SIDT1: variants seen among roughly 807,000 people sequenced by gnomAD.
SIDT1 encodes SID1 transmembrane family member 1, also known as SID1 transmembrane family, member 1.
In SIDT1, 101 loss-of-function variants were observed where a neutral mutation model predicts 107.5. The observed-to-expected ratio is 0.94, with a 90% confidence interval of 0.80 to 1.11. SIDT1 has a LOEUF of 1.11. Among genes scored for constraint, SIDT1 ranks in the 50% least tolerant of loss-of-function variants. The probability of loss-of-function intolerance (pLI) is 0.00; values close to 1 mark genes in which losing one functional copy is unlikely to be tolerated. For synonymous variants in SIDT1, 395 were observed against 398.2 expected, an observed-to-expected ratio of 0.99 and a Z score of 0.10; for missense variants, 1,076 against 1,058.2, an observed-to-expected ratio of 1.02 and a Z score of -0.23.
intron 20 of SIDT1, 47 bp downstream of exon 20, chr3:113,616,223 G>A (rs747990036): frequency 7.1e-7 from 1 of 1,417,092 alleles, no homozygotes; most frequent in Non-Finnish European, 1.0e-6. Flanking sequence ...AGAAAGCAGG[G>A]GAATAGTAGG....
Position 113,566,491 on chromosome 3 carries a change from C to G in SIDT1, c.294C>G (p.Arg98=). The change falls in exon 2 of 25, where the codon CGC becomes CGG. Residue 98 remains arginine, a synonymous_variant. Transcript: ENST00000264852. ...ACTACCCGGTCCTTGTTGTGGTTCG[C>G]CAGCAGAAAGAGGTGCTGTCCTGGC... ...NLNYPVLVVV[R]QQKEVLSWQV... 1 of 1,614,134 alleles carries G rather than the reference C, an allele frequency of 6.2e-7. No individual in the cohort carries two copies. The highest frequency in any genetic ancestry group is 1.6e-4 in the Middle Eastern group (1 of 6,062).
intron 10 of SIDT1, among the ~76,000 whole-genome samples, chr3:113,597,555 T>C (rs893593521): frequency 1.3e-5 from 2 of 150,210 alleles, no homozygotes; most frequent in African/African-American, 4.9e-5. Flanking sequence ...TCTGGCTCCC[T>C]CTTCAGCTTC....
At chr3:113,546,721 C>T (rs1190755786) in intron 1 of SIDT1, among the ~76,000 whole-genome samples, 1 of 152,106 alleles carries the variant, frequency 6.6e-6, no homozygotes, top group Non-Finnish European at 1.5e-5. Context: ...TCTCTGTGGA[C>T]TTGGTCTTGA....
At chr3:113,588,484 A>G (rs1576867972) in intron 9 of SIDT1, among the ~76,000 whole-genome samples, 1 of 152,356 alleles carries the variant, frequency 6.6e-6, no homozygotes, top group African/African-American at 2.4e-5. Context: ...GGTTTGTAGT[A>G]CGTGCTATGA....
chr3:113,553,765 G>C (rs1940535413), intron 1 of SIDT1, among the ~76,000 whole-genome samples: 1 of 152,194 alleles, frequency 6.6e-6, no homozygotes, highest in Admixed American at 6.5e-5. Flanking sequence ...AACCAATGAA[G>C]CCAGGCGTGG....
In SIDT1 at chr3:113,617,201, C is replaced by T. The variant is rs543379959; in HGVS notation, c.2043+1025C>T. ...GACCCGTGTTCACTCCAGTCATGTC[C>T]ATTACGAACTTACACTTCCACATTA... On this transcript the variant is annotated intron_variant, in intron 20 of 24. Transcript: ENST00000264852. 3.3e-5 allele frequency among the ~76,000 whole-genome samples: 5 copies of T among 152,306 alleles called. 1 individual carries two copies. The highest frequency in any genetic ancestry group is 2.1e-4 in the South Asian group (1 of 4,828).
At chr3:113,592,906 G>C in intron 9 of SIDT1, 99 bp from the exon 10 acceptor site, 1 of 969,926 alleles carries the variant, frequency 1.0e-6, no homozygotes, top group Non-Finnish European at 1.7e-6. Context: ...GTTTTGAAGA[G>C]ATCCTAGTAG....
chr3:113,539,840 T>C (rs1166836333), intron 1 of SIDT1, among the ~76,000 whole-genome samples: 1 of 151,908 alleles, frequency 6.6e-6, no homozygotes, highest in Non-Finnish European at 1.5e-5. Context: ...CCATCTCTAC[T>C]AAAAATACAA....
chr3:113,570,246 A>G (rs1446688588), intron 3 of SIDT1, among the ~76,000 whole-genome samples: 1 of 152,198 alleles, frequency 6.6e-6, no homozygotes, highest in Non-Finnish European at 1.5e-5. Flanking sequence ...ATTTATCCAT[A>G]TGGGAATACA....
chr3:113,579,626 A>C (rs1943177485), intron 4 of SIDT1, among the ~76,000 whole-genome samples: 4 of 152,228 alleles, frequency 2.6e-5, no homozygotes, highest in Admixed American at 2.6e-4. Context: ...ATTATTAAAA[A>C]GGATTCCATT....
At position 113,626,227 on chromosome 3, in the gene SIDT1, T is replaced by C; in HGVS notation, c.2421+12T>C. The stretch of plus-strand genomic sequence containing the variant: ...TTTTCTCATTCTTGGTGAGTTCATA[T>C]CTATCTTTTTGTGACTTTCTTCTCT... On this transcript the variant is annotated intron_variant, in intron 24 of 24. Coordinates refer to ENST00000264852, the MANE Select transcript of SIDT1 (RefSeq NM_017699.3). 6.4e-7 allele frequency: 1 copy of C among 1,562,108 alleles called. No individual in the cohort carries two copies. The highest frequency in any genetic ancestry group is 8.8e-7 in the Non-Finnish European group (1 of 1,132,770).
chr3:113,533,170 A>G lies in SIDT1; in HGVS notation c.149A>G (p.His50Arg), dbSNP rs1330390412. 1 of 1,579,746 alleles carries G rather than the reference A, an allele frequency of 6.3e-7. No individual in the cohort carries two copies. The highest frequency in any genetic ancestry group is 8.6e-7 in the Non-Finnish European group (1 of 1,164,274). Residue 50 changes from histidine (H) to arginine (R), a missense_variant, in exon 1 of 25, where the codon CAT becomes CGT. By Grantham distance (29) the His-to-Arg change is conservative. Coordinates refer to ENST00000264852, the MANE Select transcript of SIDT1 (RefSeq NM_017699.3). ...FDAARGADFD[H>R]VYSGVVNLST... ...GCTGCCAGGGGCGCCGATTTCGATC[A>G]TGTCTACAGCGGGGTGGTGAACCTC...
downstream of SIDT1, among the ~76,000 whole-genome samples, chr3:113,631,734 G>C (rs769724656): frequency 7.2e-5 from 11 of 152,182 alleles, no homozygotes; most frequent in Non-Finnish European, 1.3e-4. Flanking sequence ...CTCCTCTGTA[G>C]AAAGAGACCT....
intron 1 of SIDT1, among the ~76,000 whole-genome samples, chr3:113,544,348 G>A (rs1190090542): frequency 2.6e-5 from 4 of 152,140 alleles, no homozygotes; most frequent in Non-Finnish European, 4.4e-5. Flanking sequence ...ACACAACCAC[G>A]CCCAGCTAAT....
chr3:113,551,824 G>GGTGTGT lies in SIDT1; in HGVS notation c.223-14571_223-14566dup, dbSNP rs56860179. On this transcript the variant is annotated intron_variant, in intron 1 of 24. Transcript: ENST00000264852. ...TGGATCCCGGGGGTAAAGTTTTAGG[G>GGTGTGT]GTGTGTGTGTGTGTGTGTGTGTGTG... 1.9e-3 allele frequency among the ~76,000 whole-genome samples: 275 copies of GGTGTGT among 147,316 alleles called. 1 individual carries two copies. Among genetic ancestry groups the GGTGTGT allele is most frequent in the African/African-American group, 6.1e-3 (245 of 40,152 alleles).
In SIDT1 at chr3:113,611,990, T is replaced by C. The variant is rs544455098; in HGVS notation, c.1858-96T>C. 37 of 815,086 alleles carry C rather than the reference T, an allele frequency of 4.5e-5. No homozygotes were observed. The South Asian group carries it at 4.8e-4, about 11-fold the overall frequency. The allele number at this position is 815,086 out of a possible 1,614,324, so 50.5% of individuals were successfully genotyped here. A position where few individuals can be genotyped will look rare whatever the true frequency, so the allele number is the denominator to read the frequency against. ...GAGAAAAATAGAATGTGCACACAGC[T>C]GTTTTTGACTCCTTACACATACAGG... On this transcript the variant is annotated intron_variant, in intron 18 of 24. Coordinates refer to ENST00000264852, the MANE Select transcript of SIDT1 (RefSeq NM_017699.3).
At position 113,626,172 on chromosome 3, in the gene SIDT1, T is replaced by C; in HGVS notation, c.2378T>C (p.Ile793Thr). The C allele has an allele frequency of 6.2e-7, 1 of 1,614,142 alleles. No individual in the cohort carries two copies. The highest frequency in any genetic ancestry group is 8.5e-7 in the Non-Finnish European group (1 of 1,179,978). ...CTGGATTTCTTCGATGACCATGACA[T>C]CTGGCACTTCCTCTCTGCTACTGCT... ...ILLDFFDDHD[I>T]WHFLSATALF... is the part of the protein sequence containing the mutation. The change falls in exon 24 of 25, where the codon ATC becomes ACC. Residue 793 changes from isoleucine (I) to threonine (T), a missense_variant. Coordinates refer to ENST00000264852, the MANE Select transcript of SIDT1 (RefSeq NM_017699.3).
intron 10 of SIDT1, among the ~76,000 whole-genome samples, chr3:113,595,719 A>T (rs1266920831): frequency 6.6e-6 from 1 of 152,196 alleles, no homozygotes. Context: ...AGAAGTAGGG[A>T]ATAGGAATAT....
chr3:113,548,923 C>A (rs141203577), intron 1 of SIDT1, among the ~76,000 whole-genome samples: 1,694 of 152,248 alleles, frequency 0.011, 17 homozygotes, highest in Non-Finnish European at 0.018. Flanking sequence ...ATGGTTTTCT[C>A]CTGTTGATCT....
Sources: allele counts gnomAD v4.1 joint callset (sites outside exome capture counted in the v4.1 genomes callset), GRCh38; gene constraint gnomAD v4.1.1; transcripts MANE v1.5; gene names NCBI Gene and HGNC (gene_info 2026-07-23, HGNC 2026-07-21).